LARP1: variants seen among roughly 807,000 people sequenced by gnomAD.
LARP1 encodes la-related protein 1.
In LARP1, 36 loss-of-function variants were observed where a neutral mutation model predicts 122.7. The ratio of observed to expected loss-of-function variants is 0.29; its 90% CI spans 0.22 to 0.39. The LOEUF (loss-of-function observed/expected upper bound fraction) is 0.39. Among genes scored for constraint, LARP1 ranks in the 10% least tolerant of loss-of-function variants. The pLI is 1.00. For missense variants in LARP1, 1,040 were observed against 1,403.6 expected, an observed-to-expected ratio of 0.74 and a Z score of 4.14; for synonymous variants, 539 against 528.7, an observed-to-expected ratio of 1.02 and a Z score of -0.27.
intron 1 of LARP1, among the ~76,000 whole-genome samples, chr5:154,756,750 T>C (rs184662365): frequency 7.7e-4 from 117 of 152,194 alleles, no homozygotes; most frequent in African/African-American, 2.7e-3. Context: ...GGCTTTAGAA[T>C]CGCCATTTGG....
At position 154,805,998 on chromosome 5, in the gene LARP1, C is replaced by A; in HGVS notation, c.2664C>A (p.His888Gln). 6 of 1,614,154 alleles carry A rather than the reference C, an allele frequency of 3.7e-6. No individual in the cohort carries two copies. The highest frequency in any genetic ancestry group is 5.1e-6 in the Non-Finnish European group (6 of 1,180,020). ...ELLKENGFTQ[H>Q]VYHKYRRRCL... ...TCAAGGAAAATGGCTTCACACAACA[C>A]GTCTACCATAAGTATCGTAGGCGCT... The change falls in exon 15 of 19, where the codon CAC becomes CAA. Residue 888 changes from histidine (H) to glutamine (Q), a missense_variant. Coordinates refer to ENST00000518297, the MANE Select transcript of LARP1 (RefSeq NM_033551.3).
At chr5:154,751,518 C>T (rs1043801822), upstream of LARP1, among the ~76,000 whole-genome samples, 5 of 152,262 alleles carry the variant, frequency 3.3e-5, no homozygotes, top group Non-Finnish European at 7.4e-5. Context: ...CTACTCCTGA[C>T]TATTTGGTCA....
In LARP1 at chr5:154,816,265, C is replaced by G. The variant is rs1171092447; in HGVS notation, c.*2169C>G. ...CACTGGATTCCTGGACCCCCTTCTC[C>G]TTTCCTTTCTTTCCTTCAGGTCACG... On this transcript the variant is annotated 3_prime_UTR_variant, in exon 19 of 19. Coordinates refer to ENST00000518297, the MANE Select transcript of LARP1 (RefSeq NM_033551.3). 1 of 153,260 alleles carries G rather than the reference C, an allele frequency of 6.5e-6. No individual in the cohort carries two copies. Among genetic ancestry groups the G allele is most frequent in the African/African-American group, 2.4e-5 (1 of 41,472 alleles). 9.5% of individuals were successfully genotyped at this position (153,260 alleles called of 1,614,324 possible).
In LARP1 at chr5:154,781,550, G is replaced by A. The variant is rs192534240; in HGVS notation, c.437-8775G>A. 3.0e-3 allele frequency among the ~76,000 whole-genome samples: 453 copies of A among 151,632 alleles called. 3 individuals carry two copies. Among genetic ancestry groups the A allele is most frequent in the African/African-American group, 0.011 (440 of 41,330 alleles). On this transcript the variant is annotated intron_variant, in intron 1 of 18. Transcript: ENST00000518297. The stretch of plus-strand genomic sequence containing the variant: ...GGAGCTTGCAGTGAGCCGAGATGGC[G>A]CCATTGCACTCCAGCCTGGGTGACA...
chr5:154,687,442 C>T (rs867029327), intron 1 of LARP1, among the ~76,000 whole-genome samples: 2 of 152,160 alleles, frequency 1.3e-5, no homozygotes, highest in Admixed American at 6.5e-5. Flanking sequence ...AGTGCAGTGG[C>T]GTGATCTCGG....
Position 154,773,265 on chromosome 5 carries a change from C to T in LARP1, c.437-17060C>T, listed in dbSNP as rs150037115. ...AACTATGGCTAGGGGGGCAGGGATCCACTGTATTGTAAGCTATATATTTTT... is the reference window on the plus strand; with the variant it reads ...AACTATGGCTAGGGGGGCAGGGATCTACTGTATTGTAAGCTATATATTTTT... On this transcript the variant is annotated intron_variant, in intron 1 of 18. Transcript: ENST00000518297. Among the ~76,000 whole-genome samples the T allele has an allele frequency of 2.3e-3, 349 of 152,172 alleles. 1 individual carries two copies. Among genetic ancestry groups the T allele is most frequent in the African/African-American group, 8.3e-3 (344 of 41,514 alleles).
intron 1 of LARP1, among the ~76,000 whole-genome samples, chr5:154,693,582 G>A (rs6897388): frequency 0.57 from 86,341 of 151,882 alleles, 25,633 homozygotes; most frequent in Non-Finnish European, 0.67. Flanking sequence ...TCGACTGGGC[G>A]CGGTGGCTCA....
chr5:154,733,220 A>T (rs558284217), intron 1 of LARP1, among the ~76,000 whole-genome samples: 97 of 152,368 alleles, frequency 6.4e-4, no homozygotes, highest in African/African-American at 2.2e-3. Context: ...CATACATTAT[A>T]AATTCGTGGC....
intron 1 of LARP1, among the ~76,000 whole-genome samples, chr5:154,728,479 C>T (rs1445850035): frequency 6.6e-6 from 1 of 152,114 alleles, no homozygotes; most frequent in Non-Finnish European, 1.5e-5. Context: ...AGAGGACTTG[C>T]GTTTTCGGTA....
chr5:154,745,187 A>G (rs544410139), intron 1 of LARP1, among the ~76,000 whole-genome samples: 5 of 152,088 alleles, frequency 3.3e-5, no homozygotes, highest in Admixed American at 1.3e-4. Flanking sequence ...CGGCCTCCCA[A>G]AGTGCTGGGA....
intron 1 of LARP1, among the ~76,000 whole-genome samples, chr5:154,694,623 T>C (rs1056611458): frequency 1.1e-4 from 16 of 152,134 alleles, no homozygotes; most frequent in East Asian, 3.9e-4. Flanking sequence ...ATAAGAAAAT[T>C]ATTGCTAATT....
chr5:154,817,371 G>T lies in LARP1; in HGVS notation c.*3275G>T, dbSNP rs769971949. Reference sequence around the variant, plus strand: ...GCGGAGAAGGTTCCACCTTACGCTCGTAGTACATTATCTTTACTATGTGCT... The same window carrying T: ...GCGGAGAAGGTTCCACCTTACGCTCTTAGTACATTATCTTTACTATGTGCT... On this transcript the variant is annotated 3_prime_UTR_variant, in exon 19 of 19. Coordinates refer to ENST00000518297, the MANE Select transcript of LARP1 (RefSeq NM_033551.3). 4.6e-5 allele frequency: 7 copies of T among 152,704 alleles called. No individual in the cohort carries two copies. The highest frequency in any genetic ancestry group is 4.6e-4 in the Admixed American group (7 of 15,302). The allele number at this position is 152,704 out of a possible 1,614,324, so 9.5% of individuals were successfully genotyped here.
chr5:154,690,051 AAAATTT>A (rs1352322675), intron 1 of LARP1, among the ~76,000 whole-genome samples: 2 of 149,234 alleles, frequency 1.3e-5, no homozygotes, highest in Non-Finnish European at 3.0e-5. Context: ...CAAAAAAATT[AAAATTT>A]AAATTAAAAA....
At chr5:154,757,718 T>C (rs1164006081) in intron 1 of LARP1, among the ~76,000 whole-genome samples, 11 of 152,072 alleles carry the variant, frequency 7.2e-5, no homozygotes, top group African/African-American at 2.7e-4. Context: ...TCTTTTCAGG[T>C]TGCTTCATTT....
intron 1 of LARP1, among the ~76,000 whole-genome samples, chr5:154,775,875 A>G (rs926537879): frequency 1.5e-4 from 23 of 152,218 alleles, no homozygotes; most frequent in African/African-American, 5.3e-4. Context: ...AGCTGCCTTG[A>G]GTCTTCTAAA....
At chr5:154,740,008 A>G (rs1757135490) in intron 1 of LARP1, among the ~76,000 whole-genome samples, 1 of 149,424 alleles carries the variant, frequency 6.7e-6, no homozygotes, top group Non-Finnish European at 1.5e-5. Context: ...AGACCAGACC[A>G]GGCAACATAG....
At chr5:154,784,266 G>C (rs1756705694) in intron 1 of LARP1, among the ~76,000 whole-genome samples, 1 of 152,210 alleles carries the variant, frequency 6.6e-6, no homozygotes, top group Non-Finnish European at 1.5e-5. Flanking sequence ...CTGCCCCCAG[G>C]GGAGGGGCAG....
chr5:154,783,662 G>A (rs768195781), intron 1 of LARP1, among the ~76,000 whole-genome samples: 5 of 151,958 alleles, frequency 3.3e-5, no homozygotes, highest in Non-Finnish European at 5.9e-5. Flanking sequence ...TGGGTTCCTC[G>A]TTTTAAAATG....
chr5:154,731,895 G>A (rs989335839), intron 1 of LARP1, among the ~76,000 whole-genome samples: 13 of 151,988 alleles, frequency 8.6e-5, no homozygotes, highest in African/African-American at 3.1e-4. Flanking sequence ...GATGGCCCGC[G>A]CCTGTAGTCC....
Sources: allele counts gnomAD v4.1 joint callset (sites outside exome capture counted in the v4.1 genomes callset), GRCh38; gene constraint gnomAD v4.1.1; transcripts MANE v1.5; gene names NCBI Gene and HGNC (gene_info 2026-07-23, HGNC 2026-07-21).